The following NOTCH2NLB variants were observed in gnomAD, a reference collection of about 807,000 sequenced individuals.
NOTCH2NLB encodes the protein notch 2 N-terminal like B, also known as notch homolog 2 N-terminal-like protein B.
A neutral mutation model predicts 14.8 loss-of-function variants in NOTCH2NLB; 1 was observed. The ratio of observed to expected loss-of-function variants is 0.07; its 90% CI spans 0.02 to 0.32. The LOEUF (loss-of-function observed/expected upper bound fraction) is 0.32. NOTCH2NLB is among the 10% of genes least tolerant of loss of function. NOTCH2NLB has a pLI of 1.00. For missense variants in NOTCH2NLB, 11 were observed against 155.0 expected (o/e 0.07, Z 4.93); for synonymous variants, 6 against 57.5 (o/e 0.10, Z 4.05).
chr1:148,610,946 G>A (rs1301176832), intron 3 of NOTCH2NLB, among the ~76,000 whole-genome samples: 2 of 45,078 alleles, frequency 4.4e-5, no homozygotes, highest in Non-Finnish European at 7.9e-5. Flanking sequence ...ACACCAAGAA[G>A]AGATCCTTCT....
In NOTCH2NLB at chr1:148,679,459, C is replaced by A; in HGVS notation, c.3+3G>T. 2 of 1,079,782 alleles carry A rather than the reference C, an allele frequency of 1.9e-6. 1 individual carries two copies. The highest frequency in any genetic ancestry group is 2.4e-6 in the Non-Finnish European group (2 of 841,270). 66.9% of individuals were successfully genotyped at this position (1,079,782 alleles called of 1,614,324 possible). ...GGACAGCGCCCCTCAGCCCGATACTCACCATGCGCGGGGGTCGCGCAGCAC... is the reference window on the plus strand; with the variant it reads ...GGACAGCGCCCCTCAGCCCGATACTAACCATGCGCGGGGGTCGCGCAGCAC... On this transcript the variant is annotated splice_donor_region_variant and intron_variant, in intron 1 of 4. Coordinates refer to ENST00000593495, the Ensembl canonical transcript of NOTCH2NLB.
At chr1:148,633,471 T>C (rs1237677973) in intron 2 of NOTCH2NLB, among the ~76,000 whole-genome samples, 1 of 74,080 alleles carries the variant, frequency 1.3e-5, no homozygotes, top group Admixed American at 1.2e-4. Flanking sequence ...GAGAATGGCA[T>C]GAACCCGGGA....
At position 148,637,119 on chromosome 1, in the gene NOTCH2NLB, A is replaced by T. The variant is rs1664220151; in HGVS notation, c.77+2897T>A. ...AGTCTCGCTCTGTCGCTCAGGCTGG[A>T]GTGCAGTGGTGCAATCTTGGCTCAC... On this transcript the variant is annotated intron_variant, in intron 2 of 4. Transcript: ENST00000593495. Among the ~76,000 whole-genome samples the T allele has an allele frequency of 3.0e-5, 4 of 133,870 alleles. 1 individual carries two copies. Among genetic ancestry groups the T allele is most frequent in the Admixed American group, 7.5e-5 (1 of 13,256 alleles). 87.8% of individuals were successfully genotyped at this position (133,870 alleles called of 152,430 possible).
chr1:148,605,427 T>A (rs1302952089), downstream of NOTCH2NLB, among the ~76,000 whole-genome samples: 1 of 143,792 alleles, frequency 7.0e-6, no homozygotes, highest in African/African-American at 2.7e-5. Context: ...CTCATGCTAA[T>A]CTCCCCTCCC....
rs1180554231 is a variant in NOTCH2NLB, at chr1:148,634,348, T to C, written c.77+5668A>G. On this transcript the variant is annotated intron_variant, in intron 2 of 4. Transcript: ENST00000593495. ...GAGAAAGTAATTTAACAGTTGATAT[T>C]TTTCCCTGTCTATTTCTTTGATCTG... Among the ~76,000 whole-genome samples the C allele has an allele frequency of 6.0e-4, 89 of 149,380 alleles. 3 individuals are homozygous for C. Among genetic ancestry groups the C allele is most frequent in the Middle Eastern group, 7.1e-3 (2 of 282 alleles).
chr1:148,611,619 G>GT lies in NOTCH2NLB; in HGVS notation c.338-3875dup, dbSNP rs1368105052. On this transcript the variant is annotated intron_variant, in intron 3 of 4. Coordinates refer to ENST00000593495, the Ensembl canonical transcript of NOTCH2NLB. ...ACAGTAAATTGGTACCAAGAGTGGG[G>GT]TTTTTGCGAGAGTGCCAGCTATCCC... is the stretch of plus-strand genomic sequence containing the variant. 2.4e-4 allele frequency among the ~76,000 whole-genome samples: 5 copies of GT among 21,270 alleles called. No individual in the cohort carries two copies. The East Asian group carries it at 4.3e-3, about 18-fold the overall frequency. 14.0% of individuals were successfully genotyped at this position (21,270 alleles called of 152,430 possible).
chr1:148,693,096 C>CG, the NOTCH2NLB span, among the ~76,000 whole-genome samples: 1 of 117,350 alleles, frequency 8.5e-6, no homozygotes, highest in East Asian at 2.6e-4. Flanking sequence ...CCGCCCCCCC[C>CG]CCCCCACCAT....
chr1:148,662,361 C>T (rs1664712161), intron 1 of NOTCH2NLB, among the ~76,000 whole-genome samples: 1 of 122,860 alleles, frequency 8.1e-6, no homozygotes, highest in East Asian at 2.2e-4. Context: ...ATGTTGTACG[C>T]TCTTGAAAAA....
At chr1:148,712,465 T>C in the NOTCH2NLB span, among the ~76,000 whole-genome samples, 1 of 152,296 alleles carries the variant, frequency 6.6e-6, no homozygotes, top group African/African-American at 2.4e-5. Context: ...GAATATGTGA[T>C]GAAACGTCCA....
chr1:148,610,313 GAGAA>G (rs1209748350), intron 3 of NOTCH2NLB, among the ~76,000 whole-genome samples: 16 of 67,810 alleles, frequency 2.4e-4, no homozygotes, highest in Non-Finnish European at 3.7e-4. Context: ...GAGAGAAAGA[GAGAA>G]AGAGAGAGAA....
Position 148,679,751 on chromosome 1 carries a change from C to T in NOTCH2NLB, c.-287G>A. 2.2e-6 allele frequency: 2 copies of T among 896,868 alleles called. 1 individual carries two copies. 55.6% of individuals were successfully genotyped at this position (896,868 alleles called of 1,614,324 possible). A position where few individuals can be genotyped will look rare whatever the true frequency, so the allele number is the denominator to read the frequency against. Reference sequence around the variant, plus strand: ...TCAGCCGCCCGAAGTTTGGCTGAAACTTTCTCGGGTGTGCAGCGAAGCAGC... The same window carrying T: ...TCAGCCGCCCGAAGTTTGGCTGAAATTTTCTCGGGTGTGCAGCGAAGCAGC... On this transcript the variant is annotated 5_prime_UTR_variant, in exon 1 of 5. Transcript: ENST00000593495.
chr1:148,694,779 T>C, the NOTCH2NLB span, among the ~76,000 whole-genome samples: 2 of 108,992 alleles, frequency 1.8e-5, no homozygotes. Context: ...GAAAAACACT[T>C]TTTAAGTCAA....
chr1:148,649,779 C>T (rs1232818357), intron 1 of NOTCH2NLB, among the ~76,000 whole-genome samples: 3 of 112,188 alleles, frequency 2.7e-5, no homozygotes, highest in East Asian at 3.7e-4. Flanking sequence ...TGAGCCACCG[C>T]GCCCGGCCTT....
In NOTCH2NLB at chr1:148,638,459, A is replaced by C. The variant is rs1279634502; in HGVS notation, c.77+1557T>G. Among the ~76,000 whole-genome samples the C allele has an allele frequency of 2.4e-3, 365 of 149,090 alleles. 17 individuals carry two copies. Among genetic ancestry groups the C allele is most frequent in the Admixed American group, 9.3e-3 (141 of 15,094 alleles). ...GCAACTAAGGCACCAAATGCCACAA[A>C]AAGACTAAACAAGATTTCAGTGGCC... is the stretch of plus-strand genomic sequence containing the variant. On this transcript the variant is annotated intron_variant, in intron 2 of 4. Coordinates refer to ENST00000593495, the Ensembl canonical transcript of NOTCH2NLB.
At chr1:148,628,214 A>G (rs1474345585) in intron 2 of NOTCH2NLB, among the ~76,000 whole-genome samples, 1 of 129,182 alleles carries the variant, frequency 7.7e-6, no homozygotes, top group East Asian at 2.7e-4. Flanking sequence ...TCGGTTGTTG[A>G]TAAGACTGAC....
the NOTCH2NLB span, among the ~76,000 whole-genome samples, chr1:148,703,322 A>G: frequency 1.5e-5 from 2 of 130,296 alleles, no homozygotes; most frequent in African/African-American, 2.6e-5. Flanking sequence ...ACAAAGCACT[A>G]TAGGTGCTGT....
At chr1:148,662,637 T>TA (rs1354261687) in intron 1 of NOTCH2NLB, among the ~76,000 whole-genome samples, 3 of 31,494 alleles carry the variant, frequency 9.5e-5, no homozygotes, top group Non-Finnish European at 1.6e-4. Flanking sequence ...ATTAACAATG[T>TA]AAGCACAGAA....
downstream of NOTCH2NLB, among the ~76,000 whole-genome samples, chr1:148,602,274 AAAAAAAG>A (rs1306946197): frequency 5.7e-5 from 4 of 70,210 alleles, no homozygotes; most frequent in East Asian, 2.0e-3. Flanking sequence ...AAAAAAAAAA[AAAAAAAG>A]AAAAGAAAAG....
chr1:148,689,292 TG>T, the NOTCH2NLB span, among the ~76,000 whole-genome samples: 3 of 113,728 alleles, frequency 2.6e-5, no homozygotes, highest in African/African-American at 6.8e-5. Flanking sequence ...TGTTTTGTTT[TG>T]TTTTTTTTAA....
Sources: allele counts gnomAD v4.1 joint callset (sites outside exome capture counted in the v4.1 genomes callset), GRCh38; gene constraint gnomAD v4.1.1; transcripts MANE v1.5; gene names NCBI Gene and HGNC (gene_info 2026-07-23, HGNC 2026-07-21).